SGMS2: variants seen among roughly 807,000 people sequenced by gnomAD.
SGMS2 encodes the protein phosphatidylcholine:ceramide cholinephosphotransferase 2.
In SGMS2, 21 loss-of-function variants were observed where a neutral mutation model predicts 43.8. The ratio of observed to expected loss-of-function variants is 0.48; its 90% CI spans 0.34 to 0.69. The LOEUF (loss-of-function observed/expected upper bound fraction) is 0.69. Among genes scored for constraint, SGMS2 ranks in the 30% least tolerant of loss-of-function variants. SGMS2 has a pLI of 0.01. For synonymous variants in SGMS2, 167 were observed against 160.6 expected (o/e 1.04, Z -0.30); for missense variants, 384 against 443.2 (o/e 0.87, Z 1.20).
chr4:107,908,036 G>T (rs943711920), intron 5 of SGMS2: 2 of 152,890 alleles, frequency 1.3e-5, no homozygotes, highest in African/African-American at 4.8e-5. Context: ...AAATTGCTGA[G>T]AATCAAAATA....
At chr4:107,833,170 A>C (rs751162269) in intron 1 of SGMS2, among the ~76,000 whole-genome samples, 51 of 152,234 alleles carry the variant, frequency 3.4e-4, no homozygotes, top group Non-Finnish European at 6.9e-4. Flanking sequence ...CAGCACACTC[A>C]GCTGAGCAAG....
chr4:107,878,071 A>G (rs565087385), intron 2 of SGMS2, among the ~76,000 whole-genome samples: 4 of 151,796 alleles, frequency 2.6e-5, no homozygotes, highest in African/African-American at 4.8e-5. Flanking sequence ...GCGCACCACC[A>G]TGCCCGGCTA....
chr4:107,829,883 C>T (rs1288988533), intron 1 of SGMS2, among the ~76,000 whole-genome samples: 1 of 152,170 alleles, frequency 6.6e-6, no homozygotes, highest in African/African-American at 2.4e-5. Context: ...CATGCAATTC[C>T]TTTATTTTTC....
intron 2 of SGMS2, among the ~76,000 whole-genome samples, chr4:107,868,768 C>T (rs939823949): frequency 3.9e-5 from 6 of 152,074 alleles, no homozygotes; most frequent in Non-Finnish European, 8.8e-5. Flanking sequence ...CCTTTTTCTG[C>T]TCCTGTAATC....
chr4:107,865,375 T>C (rs1288774922), intron 2 of SGMS2, among the ~76,000 whole-genome samples: 1 of 152,242 alleles, frequency 6.6e-6, no homozygotes, highest in African/African-American at 2.4e-5. Flanking sequence ...TAATGGAATT[T>C]ATAGTTTAAC....
intron 2 of SGMS2, among the ~76,000 whole-genome samples, chr4:107,873,622 A>G (rs997326504): frequency 2.6e-5 from 4 of 152,056 alleles, no homozygotes; most frequent in African/African-American, 4.8e-5. Flanking sequence ...GTTTATTTGC[A>G]TACAATAATG....
chr4:107,847,431 C>A (rs374543017), intron 1 of SGMS2, among the ~76,000 whole-genome samples: 2 of 151,622 alleles, frequency 1.3e-5, no homozygotes, highest in Admixed American at 6.6e-5. Flanking sequence ...TGTAGATATG[C>A]GGCGTTATTT....
intron 1 of SGMS2, among the ~76,000 whole-genome samples, chr4:107,829,296 T>C (rs1725762652): frequency 6.6e-6 from 1 of 152,224 alleles, no homozygotes; most frequent in Non-Finnish European, 1.5e-5. Flanking sequence ...TTTACAATAA[T>C]ATCACATCTT....
At chr4:107,835,659 A>G (rs1726129219) in intron 1 of SGMS2, among the ~76,000 whole-genome samples, 1 of 152,232 alleles carries the variant, frequency 6.6e-6, no homozygotes, top group Admixed American at 6.5e-5. Flanking sequence ...TTGTCGTGCC[A>G]GTATCTCCAT....
At chr4:107,845,754 C>T (rs1726772540) in intron 1 of SGMS2, among the ~76,000 whole-genome samples, 2 of 152,158 alleles carry the variant, frequency 1.3e-5, no homozygotes, top group African/African-American at 4.8e-5. Context: ...TTTGCAGATG[C>T]ACATTAAGGA....
Position 107,914,785 on chromosome 4 carries a change from GT to G in SGMS2, c.*4236del, listed in dbSNP as rs1346493827. The G allele has an allele frequency of 6.6e-6, 1 of 152,030 alleles. No individual in the cohort carries two copies. Among genetic ancestry groups the G allele is most frequent in the Non-Finnish European group, 1.5e-5 (1 of 67,972 alleles). The allele number at this position is 152,030 out of a possible 1,614,324, so 9.4% of individuals were successfully genotyped here. A position where few individuals can be genotyped will look rare whatever the true frequency, so the allele number is the denominator to read the frequency against. The stretch of plus-strand genomic sequence containing the variant: ...TCCTTTTTTGATAAAGAGGAAATTT[GT>G]TTTCCATGCTTGTGATTTTGTGTTT... On this transcript the variant is annotated 3_prime_UTR_variant, in exon 7 of 7. Transcript: ENST00000690982.
intron 3 of SGMS2, among the ~76,000 whole-genome samples, chr4:107,898,655 G>T (rs985603605): frequency 1.3e-5 from 2 of 152,150 alleles, no homozygotes; most frequent in African/African-American, 2.4e-5. Flanking sequence ...GAGCTGTCCT[G>T]TTCAGCTGGA....
chr4:107,888,467 C>T (rs527323758), intron 2 of SGMS2, among the ~76,000 whole-genome samples: 12 of 152,146 alleles, frequency 7.9e-5, no homozygotes, highest in African/African-American at 1.2e-4. Context: ...CATGCTTGGA[C>T]TTTCTGGTTT....
chr4:107,879,378 A>ACC, intron 2 of SGMS2, among the ~76,000 whole-genome samples: 1 of 152,256 alleles, frequency 6.6e-6, no homozygotes, highest in South Asian at 2.1e-4. Flanking sequence ...AACACTTTAA[A>ACC]GGGATAAGTG....
rs570908158 is a variant in SGMS2 at position 107,908,994 on chromosome 4, T to C, written c.894+263T>C. Among the ~76,000 whole-genome samples the C allele has an allele frequency of 9.2e-5, 14 of 152,312 alleles. No homozygotes were observed. In the South Asian group the frequency reaches 2.9e-3, roughly 32 times the overall value. On this transcript the variant is annotated intron_variant, in intron 6 of 6. Transcript: ENST00000690982. ...AACTAGAATGAAAAAATATATGTAC[T>C]AAATTAAAATTTAGGAACCTTCTCT... is the stretch of plus-strand genomic sequence containing the variant.
chr4:107,860,673 C>T (rs1200476377), intron 2 of SGMS2, among the ~76,000 whole-genome samples: 1 of 152,026 alleles, frequency 6.6e-6, no homozygotes, highest in Non-Finnish European at 1.5e-5. Context: ...TACAGACACC[C>T]ACCATTGCGC....
intron 1 of SGMS2, among the ~76,000 whole-genome samples, chr4:107,850,683 A>T (rs1038917928): frequency 6.6e-6 from 1 of 152,158 alleles, no homozygotes; most frequent in African/African-American, 2.4e-5. Flanking sequence ...CTGACCTTGC[A>T]TGACTTAGAA....
At chr4:107,847,147 A>G (rs1299369232) in intron 1 of SGMS2, among the ~76,000 whole-genome samples, 6 of 151,088 alleles carry the variant, frequency 4.0e-5, no homozygotes, top group Admixed American at 3.3e-4. Context: ...TTTGGCTTTT[A>G]TTGCCATTGC....
chr4:107,911,705 G>T lies in SGMS2; in HGVS notation c.*1152G>T, dbSNP rs1228074226. On this transcript the variant is annotated 3_prime_UTR_variant, in exon 7 of 7. Coordinates refer to ENST00000690982, the MANE Select transcript of SGMS2 (RefSeq NM_001375905.1). ...ACTTTTACCCTATGAAAATAACATGGTGCTGCACTATAATATACTCTCGGA... is the reference window on the plus strand; with the variant it reads ...ACTTTTACCCTATGAAAATAACATGTTGCTGCACTATAATATACTCTCGGA... 6.6e-6 allele frequency: 1 copy of T among 152,110 alleles called. No homozygotes were observed. Among genetic ancestry groups the T allele is most frequent in the East Asian group, 1.9e-4 (1 of 5,186 alleles). 9.4% of individuals were successfully genotyped at this position (152,110 alleles called of 1,614,324 possible). A position where few individuals can be genotyped will look rare whatever the true frequency, so the allele number is the denominator to read the frequency against.
Sources: gnomAD v4.1 joint callset for allele counts (sites outside exome capture counted in the v4.1 genomes callset) on GRCh38, gnomAD v4.1.1 for gene constraint, MANE v1.5 for transcripts, NCBI Gene and HGNC (gene_info 2026-07-23, HGNC 2026-07-21) for gene names.